The following CPNE5 variants were observed in gnomAD, a reference collection of about 807,000 sequenced individuals.
CPNE5 encodes the protein copine 5.
CPNE5 carries 42 observed loss-of-function variants against 81.1 expected under a neutral mutation model. The ratio of observed to expected loss-of-function variants is 0.52; its 90% confidence interval spans 0.40 to 0.67. The LOEUF (loss-of-function observed/expected upper bound fraction) is 0.67. CPNE5 is among the 30% of genes least tolerant of loss of function. The pLI, the probability that CPNE5 is intolerant of heterozygous loss-of-function variation, is 0.00. For synonymous variants in CPNE5, 313 were observed against 321.5 expected (o/e 0.97, Z 0.28); for missense variants, 612 against 815.5 (o/e 0.75, Z 3.04).
chr6:36,754,594 G>A (rs1249932052), intron 13 of CPNE5: 1 of 152,238 alleles, frequency 6.6e-6, no homozygotes, highest in East Asian at 1.9e-4. Context: ...CATCCCGGGT[G>A]ATTTTTCGCG....
chr6:36,804,117 A>G (rs1770373733), intron 3 of CPNE5, among the ~76,000 whole-genome samples: 1 of 152,256 alleles, frequency 6.6e-6, no homozygotes, highest in South Asian at 2.1e-4. Context: ...GAGGTTAAGT[A>G]ACTTGCCCAA....
In CPNE5 at chr6:36,794,007, C is replaced by T. The variant is rs924668675; in HGVS notation, c.464+583G>A. ...GGAGGGGGAGGCTCTGCGTTGGCCA[C>T]ATTTGCATGAGGCCAGCCGAAGCCA... On this transcript the variant is annotated intron_variant, in intron 7 of 20. Transcript: ENST00000244751. 3.9e-5 allele frequency among the ~76,000 whole-genome samples: 6 copies of T among 152,170 alleles called. No individual in the cohort carries two copies. The East Asian group carries it at 1.2e-3, about 29-fold the overall frequency.
At chr6:36,764,482 G>A (rs905298953) in intron 11 of CPNE5, among the ~76,000 whole-genome samples, 2 of 152,082 alleles carry the variant, frequency 1.3e-5, no homozygotes, top group East Asian at 1.9e-4. Flanking sequence ...AGGTACCAGC[G>A]GACACTGGGG....
chr6:36,803,709 ATTAAT>A, intron 3 of CPNE5, among the ~76,000 whole-genome samples: 1 of 152,366 alleles, frequency 6.6e-6, no homozygotes, highest in East Asian at 1.9e-4. Context: ...TGGTTTCCTC[ATTAAT>A]TAACAGGCTT....
At chr6:36,829,680 G>A (rs546624011) in intron 1 of CPNE5, among the ~76,000 whole-genome samples, 11 of 151,432 alleles carry the variant, frequency 7.3e-5, no homozygotes, top group Admixed American at 2.0e-4. Flanking sequence ...AGTCATGGTG[G>A]CAGACACCTG....
intron 13 of CPNE5, among the ~76,000 whole-genome samples, chr6:36,753,973 A>G (rs879461825): frequency 6.6e-6 from 1 of 152,218 alleles, no homozygotes; most frequent in African/African-American, 2.4e-5. Context: ...TGGGAGGGCC[A>G]GGTGAGAGCA....
intron 1 of CPNE5, 21 bp from the exon 2 acceptor site, chr6:36,823,119 A>G: frequency 6.5e-7 from 1 of 1,549,950 alleles, no homozygotes; most frequent in Non-Finnish European, 8.7e-7. Flanking sequence ...GGGAGAGAGG[A>G]GGGGTTAGCA....
chr6:36,828,547 G>A (rs1007904576), intron 1 of CPNE5, among the ~76,000 whole-genome samples: 2 of 152,252 alleles, frequency 1.3e-5, no homozygotes, highest in African/African-American at 4.8e-5. Context: ...AATGCACTGA[G>A]CAAAGGCTTT....
chr6:36,838,627 G>T, intron 1 of CPNE5: 1 of 300,040 alleles, frequency 3.3e-6, no homozygotes, highest in Non-Finnish European at 4.9e-6. Flanking sequence ...CTATTCCTTT[G>T]GCTTAAGATT....
intron 1 of CPNE5, among the ~76,000 whole-genome samples, chr6:36,835,781 G>T (rs1440775136): frequency 6.6e-6 from 1 of 150,566 alleles, no homozygotes; most frequent in Non-Finnish European, 1.5e-5. Context: ...TCCAGCCTGG[G>T]CAACAGAGCA....
intron 10 of CPNE5, among the ~76,000 whole-genome samples, chr6:36,773,639 G>A (rs6928608): frequency 1.2e-4 from 18 of 152,244 alleles, no homozygotes; most frequent in African/African-American, 4.1e-4. Context: ...TCGTGTGAGC[G>A]TCAATGCAGT....
At chr6:36,790,675 A>G (rs1769005330) in intron 8 of CPNE5, among the ~76,000 whole-genome samples, 1 of 152,138 alleles carries the variant, frequency 6.6e-6, no homozygotes, top group African/African-American at 2.4e-5. Flanking sequence ...TTCCAATCTC[A>G]GCTCACTGCA....
intron 12 of CPNE5, among the ~76,000 whole-genome samples, chr6:36,761,607 T>C (rs1766031895): frequency 1.3e-5 from 2 of 152,192 alleles, no homozygotes; most frequent in Non-Finnish European, 2.9e-5. Flanking sequence ...GATGGTAGGA[T>C]GGTTGTAAAA....
At chr6:36,825,522 C>A (rs78605726) in intron 1 of CPNE5, among the ~76,000 whole-genome samples, 5,113 of 152,290 alleles carry the variant, frequency 0.034, 310 homozygotes, top group African/African-American at 0.11. Flanking sequence ...ACCACTGGCC[C>A]CTCCACCAGA....
chr6:36,825,261 C>T (rs1206830300), intron 1 of CPNE5, among the ~76,000 whole-genome samples: 1 of 152,196 alleles, frequency 6.6e-6, no homozygotes, highest in Non-Finnish European at 1.5e-5. Context: ...AGCCTGAGGC[C>T]TACACATGGC....
chr6:36,835,361 G>A (rs1432470529), intron 1 of CPNE5, among the ~76,000 whole-genome samples: 1 of 152,208 alleles, frequency 6.6e-6, no homozygotes, highest in African/African-American at 2.4e-5. Context: ...CAGTCAGGAA[G>A]GGTCTAGAAC....
chr6:36,751,648 G>C (rs1336437739), intron 14 of CPNE5, among the ~76,000 whole-genome samples: 1 of 152,146 alleles, frequency 6.6e-6, no homozygotes, highest in Non-Finnish European at 1.5e-5. Flanking sequence ...AAATTAGCTG[G>C]GGGTGGTGGC....
At position 36,804,231 on chromosome 6, in the gene CPNE5, T is replaced by C. The variant is rs576391217; in HGVS notation, c.184-4161A>G. Among the ~76,000 whole-genome samples, 5 of 152,304 alleles carry C rather than the reference T, an allele frequency of 3.3e-5. No individual in the cohort carries two copies. In the South Asian group the frequency reaches 1.0e-3, roughly 32 times the overall value. On this transcript the variant is annotated intron_variant, in intron 3 of 20. Transcript: ENST00000244751. ...AACTGTGAGGAGTCATCAAGCATTA[T>C]GAAAATCAAATAAAGATGAGGTTTA...
chr6:36,749,269 CTG>C (rs899784646), intron 14 of CPNE5, among the ~76,000 whole-genome samples: 52 of 152,214 alleles, frequency 3.4e-4, no homozygotes, highest in African/African-American at 1.2e-3. Flanking sequence ...GTACAGGAAT[CTG>C]TGTTAGCAAG....
Sources: allele counts gnomAD v4.1 joint callset (sites outside exome capture counted in the v4.1 genomes callset), GRCh38; gene constraint gnomAD v4.1.1; transcripts MANE v1.5; gene names NCBI Gene and HGNC (gene_info 2026-07-23, HGNC 2026-07-21).